Variants in DEAF1 observed in about 807,000 individuals in gnomAD.
DEAF1 encodes deformed epidermal autoregulatory factor 1 homolog.
Under a neutral mutation model 58.9 loss-of-function variants are expected in DEAF1, and 53 were observed. The observed-to-expected ratio is 0.90, with a 90% CI of 0.72 to 1.13. The LOEUF (loss-of-function observed/expected upper bound fraction) is 1.13. DEAF1 is among the 50% of genes most tolerant of loss of function. DEAF1 has a pLI of 0.00. For synonymous variants in DEAF1, 385 were observed against 340.4 expected (o/e 1.13, Z -1.44); for missense variants, 685 against 791.4 (o/e 0.87, Z 1.61).
At chr11:675,035 T>C (rs919127930) in intron 9 of DEAF1, among the ~76,000 whole-genome samples, 27 of 151,746 alleles carry the variant, frequency 1.8e-4, no homozygotes, top group Admixed American at 1.1e-3. Context: ...ATACAAAAAA[T>C]TAGCTGGACG....
upstream of DEAF1, among the ~76,000 whole-genome samples, chr11:696,658 C>G (rs1475594034): frequency 1.0e-4 from 1 of 10,012 alleles, no homozygotes; most frequent in African/African-American, 2.4e-4. Flanking sequence ...CCAAGCTATT[C>G]TGGAGGCTGA....
chr11:703,199 A>C (rs200573960), intron 1 of DEAF1: 14 of 1,544,408 alleles, frequency 9.1e-6, no homozygotes, highest in Non-Finnish European at 1.2e-5. Flanking sequence ...CCTGGGCCTG[A>C]CCAGTCCCCC....
chr11:652,129 T>C (rs575323447), intron 11 of DEAF1, among the ~76,000 whole-genome samples: 34 of 152,316 alleles, frequency 2.2e-4, no homozygotes, highest in African/African-American at 8.2e-4. Flanking sequence ...TTAAAGGTAC[T>C]GAAAAACACT....
chr11:704,010 G>C, intron 1 of DEAF1: 1 of 1,209,988 alleles, frequency 8.3e-7, no homozygotes, highest in Non-Finnish European at 1.0e-6. Flanking sequence ...TGTTACAGTA[G>C]CTTTCCCTTC....
At chr11:654,102 C>A (rs772004721) in intron 10 of DEAF1, 51 bp from the exon 11 acceptor site, 2 of 1,532,940 alleles carry the variant, frequency 1.3e-6, no homozygotes, top group Non-Finnish European at 1.8e-6. Flanking sequence ...TGGAGAGCCC[C>A]TGAGACACCG....
At chr11:674,292 T>C (rs1187581323) in intron 10 of DEAF1, 3 of 544,176 alleles carry the variant, frequency 5.5e-6, no homozygotes, top group African/African-American at 3.8e-5. Context: ...GCGCACAAAA[T>C]TGTTTCCCTT....
intron 6 of DEAF1, among the ~76,000 whole-genome samples, chr11:684,044 C>T (rs987492219): frequency 1.3e-5 from 2 of 152,090 alleles, no homozygotes; most frequent in African/African-American, 4.8e-5. Flanking sequence ...ACTAGAATCA[C>T]ATGAAATCTA....
intron 1 of DEAF1, among the ~76,000 whole-genome samples, chr11:701,599 TG>T (rs1340438903): frequency 6.6e-6 from 1 of 151,658 alleles, no homozygotes; most frequent in Non-Finnish European, 1.5e-5. Flanking sequence ...TTAGTAGAGA[TG>T]GGGTTTCACC....
chr11:676,821 A>T (rs1860100805), intron 9 of DEAF1, among the ~76,000 whole-genome samples: 1 of 152,016 alleles, frequency 6.6e-6, no homozygotes, highest in Admixed American at 6.6e-5. Context: ...TTACAATTGG[A>T]GAAGAAAGTT....
intron 10 of DEAF1, among the ~76,000 whole-genome samples, chr11:665,742 G>A (rs982570076): frequency 4.6e-5 from 7 of 152,182 alleles, no homozygotes; most frequent in Non-Finnish European, 7.3e-5. Flanking sequence ...GACAGGTGAC[G>A]TAGCAGGGAG....
chr11:647,212 T>C (rs1858538495), intron 11 of DEAF1, among the ~76,000 whole-genome samples: 1 of 151,246 alleles, frequency 6.6e-6, no homozygotes, highest in Non-Finnish European at 1.5e-5. Flanking sequence ...TCTCAGCACT[T>C]TGGGAGGCCA....
intron 1 of DEAF1, among the ~76,000 whole-genome samples, chr11:701,318 A>G (rs903629220): frequency 3.3e-5 from 5 of 150,192 alleles, no homozygotes; most frequent in African/African-American, 7.4e-5. Flanking sequence ...CCTCCCAAGT[A>G]GCTGGGATTA....
upstream of DEAF1, among the ~76,000 whole-genome samples, chr11:698,622 G>A (rs961972605): frequency 2.0e-5 from 3 of 152,092 alleles, no homozygotes; most frequent in African/African-American, 4.8e-5. Flanking sequence ...TTCCCACCCC[G>A]GTGCCCCCGG....
chr11:678,808 C>T lies in DEAF1; in HGVS notation c.1141G>A (p.Val381Met), dbSNP rs753669832. Residue 381 changes from valine (V) to methionine (M), a missense_variant, in exon 9 of 12, where the codon GTG (valine) becomes ATG (methionine). Val to Met is a conservative substitution (Grantham distance 21, BLOSUM62 1). This residue lies in a region of DEAF1 where 343 missense variants were observed against 379.8 expected (regional missense o/e 0.90). Transcript: ENST00000382409. ...FAGATVQEAS[V>M]QPPCRASHPE... ...TGGCTGGCCCTGCATGGGGGCTGCA[C>T]GCTGGCCTCTTGGACTGTTGGGGAG... is the stretch of plus-strand genomic sequence containing the variant. 1.7e-5 allele frequency: 27 copies of T among 1,613,914 alleles called. No homozygotes were observed. Among genetic ancestry groups the T allele is most frequent in the East Asian group, 2.2e-5 (1 of 44,886 alleles).
At chr11:660,624 C>T (rs1326243623) in intron 10 of DEAF1, among the ~76,000 whole-genome samples, 1 of 152,232 alleles carries the variant, frequency 6.6e-6, no homozygotes, top group Non-Finnish European at 1.5e-5. Context: ...TCCCGAGTAT[C>T]CCAAAGACGC....
upstream of DEAF1, among the ~76,000 whole-genome samples, chr11:696,545 G>A (rs1386297971): frequency 6.6e-6 from 1 of 152,134 alleles, no homozygotes; most frequent in Non-Finnish European, 1.5e-5. Context: ...TTGGGAAGCC[G>A]AGGCTGCAGG....
chr11:685,350 C>T (rs919486970), intron 5 of DEAF1, among the ~76,000 whole-genome samples: 1 of 152,126 alleles, frequency 6.6e-6, no homozygotes, highest in African/African-American at 2.4e-5. Flanking sequence ...TCCCGAAGTG[C>T]TGGGATTACA....
chr11:649,857 C>A (rs1422584033), intron 11 of DEAF1, among the ~76,000 whole-genome samples: 2 of 150,406 alleles, frequency 1.3e-5, no homozygotes, highest in Admixed American at 6.7e-5. Flanking sequence ...GAAACCCCAT[C>A]TCTACTAAAA....
chr11:652,018 C>T (rs189212500), intron 11 of DEAF1, among the ~76,000 whole-genome samples: 21 of 152,282 alleles, frequency 1.4e-4, no homozygotes, highest in African/African-American at 3.9e-4. Context: ...TATCAACCAA[C>T]CTAACTGATA....
Sources: allele counts gnomAD v4.1 joint callset (sites outside exome capture counted in the v4.1 genomes callset), GRCh38; gene constraint gnomAD v4.1.1; regional missense constraint gnomAD v4.1.1; transcripts MANE v1.5; gene names NCBI Gene and HGNC (gene_info 2026-07-23, HGNC 2026-07-21).